XAGE2: variants seen among roughly 807,000 people sequenced by gnomAD.
XAGE2 encodes the protein G antigen family D member 3.
In XAGE2, 7 loss-of-function variants were observed where a neutral mutation model predicts 9.9. The ratio of observed to expected loss-of-function variants is 0.71; its 90% CI spans 0.40 to 1.32. XAGE2 has a LOEUF of 1.32. XAGE2 is among the 40% of genes most tolerant of loss of function. XAGE2 has a pLI of 0.01. For synonymous variants in XAGE2, 31 were observed against 26.8 expected, an observed-to-expected ratio of 1.16 and a Z score of -0.48; for missense variants, 85 against 81.0, an observed-to-expected ratio of 1.05 and a Z score of -0.19.
chrX:52,374,181 A>C (rs918963950), intron 4 of XAGE2, among the ~76,000 whole-genome samples: 4 of 112,255 alleles, frequency 3.6e-5, no homozygotes, highest in Non-Finnish European at 7.5e-5. Flanking sequence ...CAGAATATGA[A>C]GAAGACACAG....
chrX:52,370,586 C>CT lies in XAGE2; in HGVS notation c.102dup (p.Lys35Ter), dbSNP rs1921165247. The CT allele has an allele frequency of 8.3e-7, 1 of 1,211,259 alleles. No homozygotes were observed. Among genetic ancestry groups the CT allele is most frequent in the Admixed American group, 2.2e-5 (1 of 45,998 alleles). ...TCCCAGGAACCCACTGATGAAGAGC[C>CT]TAAAGAAGAGAAACCACCCACTAAA... On this transcript the variant is annotated frameshift_variant, in exon 3 of 5. Transcript: ENST00000286049. LOFTEE classifies it high-confidence loss of function.
chrX:52,373,057 T>C lies in XAGE2; in HGVS notation c.313+388T>C. On this transcript the variant is annotated intron_variant, in intron 4 of 4. Transcript: ENST00000286049. ...AGCTCTATGACAATTTGTGAGAATC[T>C]GGACAAATTCCATAAATTCTACACC... Among the ~76,000 whole-genome samples the C allele has an allele frequency of 2.7e-5, 3 of 112,775 alleles. No homozygotes were observed. The Admixed American group carries it at 2.8e-4, about 11-fold the overall frequency.
chrX:52,373,741 G>A (rs1474386232), intron 4 of XAGE2, among the ~76,000 whole-genome samples: 1 of 111,639 alleles, frequency 9.0e-6, no homozygotes, highest in Non-Finnish European at 1.9e-5. Flanking sequence ...ATTGCTGACT[G>A]TTAATGAGAA....
rs2146416516 is a variant in XAGE2, at chrX:52,375,603, C to A, written c.*12C>A. The A allele has an allele frequency of 8.4e-7, 1 of 1,192,990 alleles. No individual in the cohort carries two copies. The highest frequency in any genetic ancestry group is 1.8e-5 in the South Asian group (1 of 54,916). On this transcript the variant is annotated 3_prime_UTR_variant, in exon 5 of 5. Coordinates refer to ENST00000286049, the MANE Select transcript of XAGE2 (RefSeq NM_130777.3). The stretch of plus-strand genomic sequence containing the variant: ...AATCACAGGTTTAAAGGAAGATAAG[C>A]TGAAACAACACAAACTGTTTTTATA...
intron 4 of XAGE2, among the ~76,000 whole-genome samples, chrX:52,373,410 G>C (rs1921239561): frequency 9.0e-6 from 1 of 111,553 alleles, no homozygotes; most frequent in East Asian, 2.8e-4. Context: ...GTGAAGCCTT[G>C]AATGACTGAA....
intron 2 of XAGE2, 82 bp downstream of exon 2, chrX:52,370,177 G>A: frequency 1.1e-6 from 1 of 930,798 alleles, no homozygotes. Context: ...TAGATACACT[G>A]ATAAAGGTCT....
At chrX:52,373,008 A>G (rs1204402718) in intron 4 of XAGE2, among the ~76,000 whole-genome samples, 1 of 112,727 alleles carries the variant, frequency 8.9e-6, no homozygotes, top group Non-Finnish European at 1.9e-5. Context: ...AAATATGCTG[A>G]GTACTGAAGG....
chrX:52,372,528 C>A lies in XAGE2; in HGVS notation c.188-16C>A, dbSNP rs1346138829. On this transcript the variant is annotated splice_polypyrimidine_tract_variant and intron_variant, in intron 3 of 4. Transcript: ENST00000286049. ...ATGTTTTTGTACTCAAGTTCAATAACCTTTGTATTTTTTAGTGCCTGACCT... is the reference window on the plus strand; with the variant it reads ...ATGTTTTTGTACTCAAGTTCAATAAACTTTGTATTTTTTAGTGCCTGACCT... 6 of 1,207,914 alleles carry A rather than the reference C, an allele frequency of 5.0e-6. No homozygotes were observed. Among genetic ancestry groups the A allele is most frequent in the Non-Finnish European group, 5.6e-6 (5 of 894,067 alleles).
Position 52,370,655 on chromosome X carries a change from G to T in XAGE2, c.170G>T (p.Gly57Val). The T allele has an allele frequency of 8.3e-7, 1 of 1,210,505 alleles. No homozygotes were observed. The highest frequency in any genetic ancestry group is 1.8e-5 in the South Asian group (1 of 56,777). ...GATCAGAAGAGAGAAGATGATCAGG[G>T]TGCAGCTGAGATTCAAGGTGCTGGG... is the stretch of plus-strand genomic sequence containing the variant. ...TPDQKREDDQGAAEIQVPDLE... is the reference protein window; with the variant it reads ...TPDQKREDDQVAAEIQVPDLE... Residue 57 changes from glycine (G) to valine (V), a missense_variant, in exon 3 of 5, where the codon GGT becomes GTT. By Grantham distance (109) the Gly-to-Val change is moderately radical (BLOSUM62 -3). Coordinates refer to ENST00000286049, the MANE Select transcript of XAGE2 (RefSeq NM_130777.3).
intron 3 of XAGE2, among the ~76,000 whole-genome samples, chrX:52,371,864 T>A (rs1465291338): frequency 8.9e-6 from 1 of 112,147 alleles, no homozygotes; most frequent in Non-Finnish European, 1.9e-5. Context: ...GTCACAATTG[T>A]AAGTTTTTGT....
chrX:52,372,708 A>G, intron 4 of XAGE2, 39 bp downstream of exon 4: 2 of 1,195,827 alleles, frequency 1.7e-6, no homozygotes, highest in East Asian at 3.0e-5. Flanking sequence ...TGTGATTTCT[A>G]TTTTTTACAA....
At chrX:52,375,181 AT>A (rs1357750386) in intron 4 of XAGE2, among the ~76,000 whole-genome samples, 1 of 111,884 alleles carries the variant, frequency 8.9e-6, no homozygotes, top group Non-Finnish European at 1.9e-5. Flanking sequence ...TAAATTGTAC[AT>A]TTTTTATAAA....
chrX:52,372,390 C>A (rs1269548031), intron 3 of XAGE2, among the ~76,000 whole-genome samples, 154 bp from the exon 4 acceptor site: 1 of 111,495 alleles, frequency 9.0e-6, no homozygotes, highest in Non-Finnish European at 1.9e-5. Context: ...ATTCATAATA[C>A]AGGAAAACAA....
At chrX:52,369,802 A>G (rs1008864970) in intron 1 of XAGE2, among the ~76,000 whole-genome samples, 1 of 113,044 alleles carries the variant, frequency 8.8e-6, no homozygotes, top group South Asian at 3.6e-4. Flanking sequence ...GAGCATTAAG[A>G]CATTGCTCTG....
At chrX:52,374,480 GC>G (rs1355849671) in intron 4 of XAGE2, among the ~76,000 whole-genome samples, 7 of 112,005 alleles carry the variant, frequency 6.2e-5, no homozygotes, top group African/African-American at 2.3e-4. Flanking sequence ...TGATCCACTT[GC>G]CTTGGCCTCC....
intron 2 of XAGE2, among the ~76,000 whole-genome samples, 154 bp downstream of exon 2, chrX:52,370,249 A>G (rs1302960712): frequency 1.8e-5 from 2 of 112,585 alleles, no homozygotes; most frequent in Non-Finnish European, 3.8e-5. Flanking sequence ...GAGTATTACA[A>G]TCTGATTTTG....
chrX:52,372,606 G>A lies in XAGE2; in HGVS notation c.250G>A (p.Gly84Ser). The A allele has an allele frequency of 1.7e-6, 2 of 1,211,507 alleles. No individual in the cohort carries two copies. Among genetic ancestry groups the A allele is most frequent in the Non-Finnish European group, 2.2e-6 (2 of 895,191 alleles). ...GACAAAGACTGGGGATGGATGTGAA[G>A]GTGGTACTGATGTCAAGGGGAAGAT... ...CQTKTGDGCE[G>S]GTDVKGKILP... The change falls in exon 4 of 5, where the codon GGT becomes AGT. Residue 84 changes from glycine to serine, a missense_variant. Gly to Ser is a moderately conservative substitution (Grantham distance 56, BLOSUM62 0). Coordinates refer to ENST00000286049, the MANE Select transcript of XAGE2 (RefSeq NM_130777.3).
intron 3 of XAGE2, 148 bp downstream of exon 3, chrX:52,370,820 G>A (rs944619218): frequency 5.9e-6 from 3 of 509,068 alleles, no homozygotes; most frequent in Non-Finnish European, 9.8e-6. Flanking sequence ...AAAGTGAAGA[G>A]TATAGTTTGC....
intron 1 of XAGE2, 89 bp from the exon 2 acceptor site, chrX:52,369,918 A>G (rs1921148506): frequency 1.0e-6 from 1 of 997,453 alleles, no homozygotes; most frequent in Admixed American, 2.2e-5. Context: ...ACTTTTTTAA[A>G]AACTGAAATT....
Sources: allele counts gnomAD v4.1 joint callset (sites outside exome capture counted in the v4.1 genomes callset), GRCh38; gene constraint gnomAD v4.1.1; transcripts MANE v1.5; gene names NCBI Gene and HGNC (gene_info 2026-07-23, HGNC 2026-07-21).